Variants in SASS6 observed in about 807,000 individuals in gnomAD.
SASS6 encodes SAS-6 centriolar assembly protein.
A neutral mutation model predicts 94.9 loss-of-function variants in SASS6; 59 were observed. The ratio of observed to expected loss-of-function variants is 0.62; its 90% CI spans 0.50 to 0.77. SASS6 has a LOEUF of 0.77. SASS6 is among the 30% of genes least tolerant of loss of function. SASS6 has a pLI of 0.00. For missense variants in SASS6, 698 were observed against 734.1 expected, an observed-to-expected ratio of 0.95 and a Z score of 0.57; for synonymous variants, 264 against 270.0, an observed-to-expected ratio of 0.98 and a Z score of 0.22.
chr1:100,131,650 A>G (rs906205649), intron 1 of SASS6, among the ~76,000 whole-genome samples: 1 of 152,150 alleles, frequency 6.6e-6, no homozygotes, highest in Non-Finnish European at 1.5e-5. Context: ...AACTAAACCT[A>G]CAGATCTCCA....
chr1:100,122,845 C>A (rs529833671), intron 3 of SASS6, among the ~76,000 whole-genome samples: 121 of 152,216 alleles, frequency 7.9e-4, no homozygotes, highest in Non-Finnish European at 1.6e-3. Flanking sequence ...GCCACCGTGC[C>A]TGGCCAATTA....
At chr1:100,103,925 C>T (rs980431692) in intron 13 of SASS6, among the ~76,000 whole-genome samples, 1 of 152,158 alleles carries the variant, frequency 6.6e-6, no homozygotes, top group South Asian at 2.1e-4. Flanking sequence ...ATTTATTGCT[C>T]CTTGCAACAA....
At chr1:100,116,147 T>G (rs1448552185) in intron 7 of SASS6, among the ~76,000 whole-genome samples, 1 of 152,152 alleles carries the variant, frequency 6.6e-6, no homozygotes, top group East Asian at 1.9e-4. Flanking sequence ...GGGAGAAATG[T>G]TTATAATGTA....
intron 14 of SASS6, among the ~76,000 whole-genome samples, chr1:100,098,938 C>A (rs1263189515): frequency 6.6e-6 from 1 of 152,132 alleles, no homozygotes; most frequent in Non-Finnish European, 1.5e-5. Flanking sequence ...CTGAATATTT[C>A]TGGAATATAT....
chr1:100,129,831 A>T (rs1654871170), intron 1 of SASS6, among the ~76,000 whole-genome samples: 1 of 152,204 alleles, frequency 6.6e-6, no homozygotes, highest in Non-Finnish European at 1.5e-5. Flanking sequence ...CATGGGTTCC[A>T]AAATTTTGCA....
chr1:100,087,618 A>T (rs1557877577), intron 15 of SASS6, among the ~76,000 whole-genome samples: 1 of 152,206 alleles, frequency 6.6e-6, no homozygotes. Context: ...GCAAAATGGC[A>T]TTAAAGCTTA....
At chr1:100,100,224 C>T (rs535646043) in intron 14 of SASS6, among the ~76,000 whole-genome samples, 1 of 152,232 alleles carries the variant, frequency 6.6e-6, no homozygotes, top group South Asian at 2.1e-4. Context: ...TAAGATCATG[C>T]CACTGCACTC....
At chr1:100,131,083 T>G (rs938596555) in intron 1 of SASS6, among the ~76,000 whole-genome samples, 3 of 152,224 alleles carry the variant, frequency 2.0e-5, no homozygotes, top group African/African-American at 7.2e-5. Context: ...GAAACCAAAG[T>G]CATGGCCTCC....
chr1:100,110,641 G>C (rs1653254997), intron 7 of SASS6, among the ~76,000 whole-genome samples, 158 bp from the exon 8 acceptor site: 1 of 151,382 alleles, frequency 6.6e-6, no homozygotes, highest in Non-Finnish European at 1.5e-5. Flanking sequence ...ATTCTGAAAA[G>C]GGTCTATTTT....
rs376613650 is a variant in SASS6 at position 100,101,265 on chromosome 1, T to C, written c.1674+1690A>G. Among the ~76,000 whole-genome samples the C allele has an allele frequency of 2.2e-3, 335 of 151,988 alleles. 4 individuals are homozygous for C. Among genetic ancestry groups the C allele is most frequent in the African/African-American group, 7.9e-3 (326 of 41,498 alleles). Reference sequence around the variant, plus strand: ...CGGCATATAGTATTTCAGTAGTATATGCATAAATTCACAAATAAATACACA... The same window carrying C: ...CGGCATATAGTATTTCAGTAGTATACGCATAAATTCACAAATAAATACACA... On this transcript the variant is annotated intron_variant, in intron 14 of 16. Coordinates refer to ENST00000287482, the MANE Select transcript of SASS6 (RefSeq NM_194292.3).
chr1:100,101,541 C>T (rs1412741564), intron 14 of SASS6, among the ~76,000 whole-genome samples: 1 of 151,762 alleles, frequency 6.6e-6, no homozygotes, highest in Non-Finnish European at 1.5e-5. Context: ...AGTACTTGTC[C>T]TCATTTTGGA....
intron 1 of SASS6, among the ~76,000 whole-genome samples, chr1:100,127,804 C>G (rs574364994): frequency 1.8e-4 from 25 of 139,354 alleles, no homozygotes; most frequent in Non-Finnish European, 3.0e-4. Context: ...CTGGGCAACA[C>G]AGCAAGATTA....
At chr1:100,131,688 T>G (rs1424738466) in intron 1 of SASS6, among the ~76,000 whole-genome samples, 1 of 152,202 alleles carries the variant, frequency 6.6e-6, no homozygotes, top group Non-Finnish European at 1.5e-5. Flanking sequence ...TGGGACCATC[T>G]CCTTGACCGG....
chr1:100,121,850 A>G (rs1654223117), intron 4 of SASS6, among the ~76,000 whole-genome samples: 1 of 152,244 alleles, frequency 6.6e-6, no homozygotes, highest in African/African-American at 2.4e-5. Context: ...TTTAAATGCA[A>G]GAATTAAGCA....
Position 100,085,267 on chromosome 1 carries a change from C to T in SASS6, c.*61G>A. 1 of 1,024,176 alleles carries T rather than the reference C, an allele frequency of 9.8e-7. No homozygotes were observed. Among genetic ancestry groups the T allele is most frequent in the Non-Finnish European group, 1.6e-6 (1 of 644,370 alleles). The allele number at this position is 1,024,176 out of a possible 1,614,324, so 63.4% of individuals were successfully genotyped here. ...TATTTGAGGATCTGGTTTGTGTTGA[C>T]ATATTTTTTAAGCACCTGAGTTTCT... is the stretch of plus-strand genomic sequence containing the variant. On this transcript the variant is annotated 3_prime_UTR_variant, in exon 17 of 17. Coordinates refer to ENST00000287482, the MANE Select transcript of SASS6 (RefSeq NM_194292.3).
At chr1:100,109,878 A>C (rs968645485) in intron 8 of SASS6, among the ~76,000 whole-genome samples, 22 of 152,008 alleles carry the variant, frequency 1.4e-4, no homozygotes, top group Admixed American at 1.4e-3. Flanking sequence ...AGTAAGCATT[A>C]ACTATTATCT....
chr1:100,108,110 A>G (rs1357296501), intron 8 of SASS6, 106 bp from the exon 9 acceptor site: 39 of 623,872 alleles, frequency 6.3e-5, no homozygotes, highest in Non-Finnish European at 1.0e-4. Flanking sequence ...GTCTTTAATA[A>G]TTTTAAAGTT....
At chr1:100,098,797 A>G (rs1393616020) in intron 14 of SASS6, among the ~76,000 whole-genome samples, 2 of 152,256 alleles carry the variant, frequency 1.3e-5, no homozygotes, top group Non-Finnish European at 2.9e-5. Flanking sequence ...TACCTATTCC[A>G]TAATACCATT....
chr1:100,112,541 A>G (rs1653428177), intron 7 of SASS6, among the ~76,000 whole-genome samples: 2 of 152,230 alleles, frequency 1.3e-5, no homozygotes, highest in South Asian at 4.1e-4. Flanking sequence ...TAAAAAATGC[A>G]AGAATCAAAT....
Sources: allele counts gnomAD v4.1 joint callset (sites outside exome capture counted in the v4.1 genomes callset), GRCh38; gene constraint gnomAD v4.1.1; transcripts MANE v1.5; gene names NCBI Gene and HGNC (gene_info 2026-07-23, HGNC 2026-07-21).